Variants in RSPO2 observed in about 807,000 individuals in gnomAD.
RSPO2 encodes R-spondin 2.
In RSPO2, 14 loss-of-function variants were observed where a neutral mutation model predicts 30.9. The observed-to-expected ratio is 0.45, with a 90% CI of 0.30 to 0.71. The LOEUF (loss-of-function observed/expected upper bound fraction) is 0.71. RSPO2 is among the 30% of genes least tolerant of loss of function. The pLI, the probability that RSPO2 is intolerant of heterozygous loss-of-function variation, is 0.08. For missense variants in RSPO2, 264 were observed against 301.9 expected, an observed-to-expected ratio of 0.87 and a Z score of 0.93; for synonymous variants, 107 against 96.4, an observed-to-expected ratio of 1.11 and a Z score of -0.64.
intron 2 of RSPO2, among the ~76,000 whole-genome samples, chr8:108,073,607 A>T (rs925074544): frequency 1.3e-5 from 2 of 152,204 alleles, no homozygotes; most frequent in Non-Finnish European, 2.9e-5. Context: ...GCTATTTCTA[A>T]AACTATATAT....
rs919926267 is a variant in RSPO2 at position 108,082,440 on chromosome 8, G to A, written c.94+105C>T. 6.3e-6 allele frequency: 5 copies of A among 796,682 alleles called. No individual in the cohort carries two copies. In the African/African-American group the frequency reaches 8.5e-5, roughly 14 times the overall value. 49.4% of individuals were successfully genotyped at this position (796,682 alleles called of 1,614,324 possible). A position where few individuals can be genotyped will look rare whatever the true frequency, so the allele number is the denominator to read the frequency against. On this transcript the variant is annotated intron_variant, in intron 2 of 5. Transcript: ENST00000276659. ...GGGGACCCGCAAAAGCTGGGGTGGA[G>A]AGCACAGCCCTGACCATCTGAGCCC... is the stretch of plus-strand genomic sequence containing the variant.
intron 2 of RSPO2, among the ~76,000 whole-genome samples, chr8:108,009,191 T>C (rs1277835638): frequency 2.0e-5 from 3 of 152,188 alleles, no homozygotes; most frequent in Non-Finnish European, 4.4e-5. Context: ...ATTGGAATTA[T>C]TGAACTTTTC....
intron 5 of RSPO2, among the ~76,000 whole-genome samples, chr8:107,918,656 A>G (rs747659150): frequency 6.6e-6 from 1 of 152,186 alleles, no homozygotes; most frequent in Non-Finnish European, 1.5e-5. Context: ...TCAGCTTTTA[A>G]AAAGTCTTAT....
intron 5 of RSPO2, among the ~76,000 whole-genome samples, chr8:107,932,362 G>A (rs1386552620): frequency 1.3e-5 from 2 of 152,100 alleles, no homozygotes; most frequent in East Asian, 1.9e-4. Context: ...AAGTGAGTAG[G>A]GAGGTAATAC....
chr8:108,030,119 GAAAAAAAAAA>G (rs11434221), intron 2 of RSPO2, among the ~76,000 whole-genome samples: 27 of 70,994 alleles, frequency 3.8e-4, no homozygotes, highest in East Asian at 2.4e-3. Context: ...GGATAGATAG[GAAAAAAAAAA>G]AAAAAAAAAA....
intron 2 of RSPO2, among the ~76,000 whole-genome samples, chr8:108,048,962 C>T (rs1050593172): frequency 2.0e-5 from 3 of 152,082 alleles, no homozygotes; most frequent in South Asian, 2.1e-4. Flanking sequence ...GTTCAGTTTC[C>T]GTGTAGTTGT....
At chr8:107,968,140 C>T (rs893525695) in intron 3 of RSPO2, among the ~76,000 whole-genome samples, 5 of 152,088 alleles carry the variant, frequency 3.3e-5, no homozygotes, top group African/African-American at 1.2e-4. Context: ...GATATCTTCA[C>T]TTTCATGTTT....
intron 3 of RSPO2, among the ~76,000 whole-genome samples, chr8:107,971,516 A>G (rs1165707005): frequency 6.6e-6 from 1 of 152,214 alleles, no homozygotes; most frequent in African/African-American, 2.4e-5. Flanking sequence ...TACGTCTCAC[A>G]ACAGGCAGCT....
chr8:107,957,347 T>A (rs1406663125), intron 5 of RSPO2, among the ~76,000 whole-genome samples: 2 of 152,214 alleles, frequency 1.3e-5, no homozygotes, highest in Non-Finnish European at 2.9e-5. Context: ...ACCCAGTGAT[T>A]ACTGCTTTAG....
chr8:108,030,107 T>C (rs1213354565), intron 2 of RSPO2, among the ~76,000 whole-genome samples: 5 of 113,936 alleles, frequency 4.4e-5, no homozygotes, highest in African/African-American at 1.8e-4. Context: ...AGTAGGGTCC[T>C]GGGATAGATA....
At chr8:107,989,359 A>G (rs1160274797) in intron 2 of RSPO2, 115 bp from the exon 3 acceptor site, 1 of 654,960 alleles carries the variant, frequency 1.5e-6, no homozygotes, top group Non-Finnish European at 2.4e-6. Flanking sequence ...ACATAGAAAT[A>G]CTAAATAAAA....
chr8:107,950,326 C>T (rs116872578), intron 5 of RSPO2, among the ~76,000 whole-genome samples: 3,803 of 152,256 alleles, frequency 0.025, 75 homozygotes, highest in Non-Finnish European at 0.038. Context: ...CAACCTAGAA[C>T]CATGTCTACT....
At chr8:107,983,076 C>A (rs1465852426) in intron 3 of RSPO2, 7 of 1,307,574 alleles carry the variant, frequency 5.4e-6, no homozygotes, top group Non-Finnish European at 7.4e-6. Context: ...TCCCTGGCAC[C>A]ACTACTCCCC....
At chr8:107,923,743 A>AAAGAACAAGAGCATGTCCTTTGC (rs367697818) in intron 5 of RSPO2, among the ~76,000 whole-genome samples, 9 of 152,162 alleles carry the variant, frequency 5.9e-5, no homozygotes, top group East Asian at 1.9e-4. Flanking sequence ...CAGCCATAAA[A>AAAGAACAAGAGCATGTCCTTTGC]AAGAACAAGA....
intron 2 of RSPO2, among the ~76,000 whole-genome samples, chr8:107,990,507 A>C (rs1814810205): frequency 6.6e-6 from 1 of 152,196 alleles, no homozygotes; most frequent in South Asian, 2.1e-4. Flanking sequence ...AAGGAGATGA[A>C]AGATCTCTAT....
intron 3 of RSPO2, among the ~76,000 whole-genome samples, chr8:107,981,376 C>A (rs1814425449): frequency 6.6e-6 from 1 of 151,996 alleles, no homozygotes; most frequent in Admixed American, 6.6e-5. Flanking sequence ...AAAAACTTAG[C>A]CAGGCATCGT....
intron 2 of RSPO2, among the ~76,000 whole-genome samples, chr8:108,067,675 GAGA>G (rs1812712675): frequency 6.6e-6 from 1 of 152,178 alleles, no homozygotes; most frequent in South Asian, 2.1e-4. Flanking sequence ...TTCAAAATCA[GAGA>G]AGACTAGTTT....
chr8:107,981,973 C>T lies in RSPO2; in HGVS notation c.283+7083G>A, dbSNP rs377018161. Among the ~76,000 whole-genome samples the T allele has an allele frequency of 2.9e-4, 36 of 126,206 alleles. 1 individual carries two copies. In the South Asian group the frequency reaches 5.0e-3, roughly 18 times the overall value. The allele number at this position is 126,206 out of a possible 152,430, so 82.8% of individuals were successfully genotyped here. On this transcript the variant is annotated intron_variant, in intron 3 of 5. Coordinates refer to ENST00000276659, the MANE Select transcript of RSPO2 (RefSeq NM_178565.5). The stretch of plus-strand genomic sequence containing the variant: ...CCCTTCAGCACAGAAGGGATTGAGG[C>T]TTCATTGAGCTATGACTGTGCAACA...
At chr8:108,001,045 AGCCAG>A (rs1300854119) in intron 2 of RSPO2, among the ~76,000 whole-genome samples, 31 of 151,640 alleles carry the variant, frequency 2.0e-4, no homozygotes, top group African/African-American at 7.5e-4. Context: ...AAAAAAAATT[AGCCAG>A]GCGTGGTGGC....
Sources: gnomAD v4.1 joint callset for allele counts (sites outside exome capture counted in the v4.1 genomes callset) on GRCh38, gnomAD v4.1.1 for gene constraint, MANE v1.5 for transcripts, NCBI Gene and HGNC (gene_info 2026-07-23, HGNC 2026-07-21) for gene names.